MAST4: variants seen among roughly 807,000 people sequenced by gnomAD.
MAST4 encodes microtubule-associated serine/threonine-protein kinase 4.
A neutral mutation model predicts 162.7 loss-of-function variants in MAST4; 89 were observed. The observed-to-expected ratio is 0.55, with a 90% CI of 0.46 to 0.65. The LOEUF (loss-of-function observed/expected upper bound fraction) is 0.65. MAST4 is among the 30% of genes least tolerant of loss of function. The probability of loss-of-function intolerance (pLI) is 0.00; values close to 1 mark genes in which losing one functional copy is unlikely to be tolerated. For missense variants in MAST4, 3,153 were observed against 3,374.0 expected, an observed-to-expected ratio of 0.93 and a Z score of 1.62; for synonymous variants, 1,479 against 1,361.1, an observed-to-expected ratio of 1.09 and a Z score of -1.91.
intron 1 of MAST4, among the ~76,000 whole-genome samples, chr5:66,610,610 C>G (rs1743227612): frequency 6.6e-6 from 1 of 152,198 alleles, no homozygotes; most frequent in Admixed American, 6.5e-5. Flanking sequence ...ACGAGTTCCA[C>G]TGGGGGTGCT....
intron 4 of MAST4, among the ~76,000 whole-genome samples, chr5:66,929,028 G>A (rs764897024): frequency 1.3e-5 from 2 of 152,184 alleles, no homozygotes; most frequent in African/African-American, 4.8e-5. Context: ...GATAAGAGGG[G>A]ATTGATTAGG....
chr5:66,832,743 T>A (rs1162057612), intron 3 of MAST4, among the ~76,000 whole-genome samples: 1 of 152,220 alleles, frequency 6.6e-6, no homozygotes, highest in East Asian at 1.9e-4. Context: ...TATATTCATT[T>A]GAAGACTCTG....
intron 3 of MAST4, among the ~76,000 whole-genome samples, chr5:66,849,573 T>C (rs546467748): frequency 2.5e-4 from 38 of 152,114 alleles, no homozygotes; most frequent in Non-Finnish European, 5.1e-4. Flanking sequence ...GGTAAGGCGT[T>C]CCTTCTTCAG....
intron 3 of MAST4, among the ~76,000 whole-genome samples, chr5:66,865,578 A>G (rs920858942): frequency 1.3e-5 from 2 of 152,226 alleles, no homozygotes; most frequent in African/African-American, 2.4e-5. Flanking sequence ...AAAATATCAC[A>G]TGTAGTATAT....
chr5:67,130,447 T>C (rs932693838), intron 15 of MAST4, 29 bp downstream of exon 15: 20 of 1,604,270 alleles, frequency 1.2e-5, no homozygotes, highest in Non-Finnish European at 1.7e-5. Context: ...ATGACACCTG[T>C]ACCCAGGAAT....
chr5:66,798,700 A>G (rs1580476291), intron 3 of MAST4, among the ~76,000 whole-genome samples: 1 of 152,210 alleles, frequency 6.6e-6, no homozygotes, highest in East Asian at 1.9e-4. Flanking sequence ...AAACAGGCGT[A>G]TACATTTATC....
intron 3 of MAST4, among the ~76,000 whole-genome samples, chr5:66,829,129 T>G (rs916828792): frequency 4.6e-5 from 7 of 151,946 alleles, no homozygotes; most frequent in Non-Finnish European, 7.4e-5. Context: ...GTTTTTCTAC[T>G]GGTTATTCAA....
chr5:66,885,206 C>T (rs1199895400), intron 3 of MAST4, among the ~76,000 whole-genome samples: 2 of 152,048 alleles, frequency 1.3e-5, no homozygotes, highest in African/African-American at 4.8e-5. Context: ...TGATATGGTG[C>T]ATCACCAATA....
At chr5:66,627,725 A>T (rs1163642173) in intron 1 of MAST4, among the ~76,000 whole-genome samples, 1 of 92,022 alleles carries the variant, frequency 1.1e-5, no homozygotes, top group Non-Finnish European at 2.2e-5. Flanking sequence ...TTATCTGTTA[A>T]AAAAAAAAAG....
chr5:66,684,000 A>G (rs1401402585), intron 1 of MAST4, among the ~76,000 whole-genome samples: 1 of 152,206 alleles, frequency 6.6e-6, no homozygotes, highest in Non-Finnish European at 1.5e-5. Context: ...GTCAGATCAC[A>G]TGAGTCGTGT....
At chr5:66,770,684 C>A (rs1277403597) in intron 2 of MAST4, among the ~76,000 whole-genome samples, 1 of 152,192 alleles carries the variant, frequency 6.6e-6, no homozygotes, top group East Asian at 1.9e-4. Flanking sequence ...AGAGTCATTT[C>A]TCTTATACCC....
At chr5:67,007,062 A>G (rs1752121979) in intron 4 of MAST4, among the ~76,000 whole-genome samples, 1 of 152,178 alleles carries the variant, frequency 6.6e-6, no homozygotes, top group South Asian at 2.1e-4. Context: ...TCAAAGGGCT[A>G]GCATTGCTTT....
At chr5:66,913,688 A>G (rs1763919762) in intron 4 of MAST4, among the ~76,000 whole-genome samples, 3 of 152,214 alleles carry the variant, frequency 2.0e-5, no homozygotes, top group Admixed American at 1.3e-4. Flanking sequence ...TGCTTTTGGT[A>G]TTGGAGCTAA....
At chr5:67,094,733 A>G (rs914218096) in intron 6 of MAST4, among the ~76,000 whole-genome samples, 1 of 152,054 alleles carries the variant, frequency 6.6e-6, no homozygotes, top group Admixed American at 6.5e-5. Context: ...GCATTCACTC[A>G]TCTGAGACCC....
chr5:66,753,620 A>G (rs1325240190), intron 1 of MAST4, among the ~76,000 whole-genome samples: 3 of 151,712 alleles, frequency 2.0e-5, no homozygotes, highest in African/African-American at 7.3e-5. Context: ...GAATCTCTGA[A>G]TAGACCAATA....
intron 4 of MAST4, among the ~76,000 whole-genome samples, chr5:67,022,098 C>A (rs1754060756): frequency 6.6e-6 from 1 of 152,160 alleles, no homozygotes; most frequent in Non-Finnish European, 1.5e-5. Flanking sequence ...CTGTGAGTGT[C>A]TTGAGACATA....
chr5:66,918,924 G>A (rs891697979), intron 4 of MAST4, among the ~76,000 whole-genome samples: 23 of 152,132 alleles, frequency 1.5e-4, no homozygotes, highest in Non-Finnish European at 2.9e-4. Context: ...CCAACATGGC[G>A]AAACCCTGTC....
intron 1 of MAST4, among the ~76,000 whole-genome samples, chr5:66,634,799 G>A (rs779432574): frequency 6.6e-6 from 1 of 152,232 alleles, no homozygotes; most frequent in Non-Finnish European, 1.5e-5. Context: ...GGCTTGAGTG[G>A]TGGAATCAGC....
intron 6 of MAST4, among the ~76,000 whole-genome samples, chr5:67,092,374 T>G (rs531231986): frequency 6.6e-6 from 1 of 152,344 alleles, no homozygotes; most frequent in East Asian, 1.9e-4. Context: ...CAGACTTGCT[T>G]TCTATATTTT....
Sources: gnomAD v4.1 joint callset for allele counts (sites outside exome capture counted in the v4.1 genomes callset) on GRCh38, gnomAD v4.1.1 for gene constraint, MANE v1.5 for transcripts, NCBI Gene and HGNC (gene_info 2026-07-23, HGNC 2026-07-21) for gene names.